Variants in PTPA observed in about 807,000 individuals in gnomAD.
PTPA encodes the protein protein phosphatase 2 phosphatase activator.
A neutral mutation model predicts 43.6 loss-of-function variants in PTPA; 13 were observed. That is an observed-to-expected ratio of 0.30 (90% CI 0.19 to 0.47). PTPA has a LOEUF of 0.47. PTPA is among the 20% of genes least tolerant of loss of function. PTPA has a pLI of 0.99. For synonymous variants in PTPA, 172 were observed against 158.2 expected (o/e 1.09, Z -0.66); for missense variants, 329 against 411.9 (o/e 0.80, Z 1.74).
intron 5 of PTPA, among the ~76,000 whole-genome samples, chr9:129,132,607 T>G (rs551046225): frequency 5.3e-5 from 8 of 152,168 alleles, no homozygotes; most frequent in African/African-American, 1.9e-4. Context: ...TTCAAGCGAT[T>G]ATTCTGCTGG....
Position 129,131,633 on chromosome 9 carries a change from G to A in PTPA, c.454G>A (p.Gly152Ser), listed in dbSNP as rs769028707. 1 of 1,613,722 alleles carries A rather than the reference G, an allele frequency of 6.2e-7. No homozygotes were observed. The highest frequency in any genetic ancestry group is 2.2e-5 in the East Asian group (1 of 44,886). Residue 152 changes from glycine (G) to serine (S), a missense_variant, in exon 5 of 10, where the codon GGC becomes AGC. Gly to Ser is a moderately conservative substitution (Grantham distance 56). Coordinates refer to ENST00000393370, the MANE Select transcript of PTPA (RefSeq NM_178000.3). ...GGGGAACTCCACGCGCATTGACTAC[G>A]GCACAGGTATCTGCTGCTTGTGGGG... ...SVGNSTRIDY[G>S]TGHEAAFAAF... is the part of the protein sequence containing the mutation.
chr9:129,118,292 T>G (rs1054742181), intron 1 of PTPA, among the ~76,000 whole-genome samples: 2 of 152,160 alleles, frequency 1.3e-5, no homozygotes, highest in African/African-American at 4.8e-5. Context: ...GATCTCGTGA[T>G]CTGCCTGTCT....
chr9:129,137,509 TGG>T, intron 7 of PTPA, 81 bp from the exon 8 acceptor site: 1 of 1,121,090 alleles, frequency 8.9e-7, no homozygotes, highest in Non-Finnish European at 1.3e-6. Context: ...CTGAGGCCCC[TGG>T]GGGGGTGTGA....
At chr9:129,116,023 G>A (rs1474679876) in intron 1 of PTPA, among the ~76,000 whole-genome samples, 1 of 151,892 alleles carries the variant, frequency 6.6e-6, no homozygotes, top group Non-Finnish European at 1.5e-5. Context: ...ACCATGCCCG[G>A]CTAATTTTTT....
intron 5 of PTPA, among the ~76,000 whole-genome samples, chr9:129,132,847 C>T (rs1428904704): frequency 1.3e-5 from 2 of 152,128 alleles, no homozygotes; most frequent in African/African-American, 4.8e-5. Flanking sequence ...GTTGCCTGGG[C>T]TGGTCTTGAA....
At chr9:129,134,707 C>T in intron 5 of PTPA, 88 bp from the exon 6 acceptor site, 6 of 1,078,316 alleles carry the variant, frequency 5.6e-6, no homozygotes, top group South Asian at 4.3e-5. Flanking sequence ...CAGAGGGGCA[C>T]TTATCAATGA....
intron 9 of PTPA, 40 bp downstream of exon 9, chr9:129,142,592 C>A (rs770970590): frequency 6.2e-7 from 1 of 1,612,360 alleles, no homozygotes; most frequent in Non-Finnish European, 8.5e-7. Flanking sequence ...CCTGCTGCCG[C>A]ACTTGGTCCT....
intron 8 of PTPA, among the ~76,000 whole-genome samples, chr9:129,139,197 T>C (rs1395886763): frequency 6.6e-6 from 1 of 152,202 alleles, no homozygotes; most frequent in African/African-American, 2.4e-5. Context: ...ATTTTGGGAA[T>C]TGATTCCATG....
chr9:129,140,629 C>T (rs563387989), intron 8 of PTPA, among the ~76,000 whole-genome samples: 1 of 152,320 alleles, frequency 6.6e-6, no homozygotes, highest in East Asian at 1.9e-4. Flanking sequence ...GCCGGGCAGG[C>T]CCCTGGCAGA....
chr9:129,111,737 G>C, intron 1 of PTPA, 106 bp downstream of exon 1: 1 of 1,240,666 alleles, frequency 8.1e-7, no homozygotes, highest in Non-Finnish European at 1.0e-6. Flanking sequence ...GAACTGGAGG[G>C]GCAAAAGCTG....
At chr9:129,145,595 C>T (rs903604367) in intron 9 of PTPA, among the ~76,000 whole-genome samples, 1 of 152,160 alleles carries the variant, frequency 6.6e-6, no homozygotes, top group Non-Finnish European at 1.5e-5. Flanking sequence ...GAGTCAGCCT[C>T]CTGGGCTGCC....
intron 9 of PTPA, chr9:129,142,897 C>A: frequency 6.7e-7 from 1 of 1,492,596 alleles, no homozygotes; most frequent in South Asian, 1.3e-5. Flanking sequence ...CTCGGGCAGT[C>A]TGAGTCTGGC....
intron 8 of PTPA, chr9:129,140,239 G>A (rs1434077023): frequency 6.6e-6 from 1 of 152,634 alleles, no homozygotes; most frequent in Admixed American, 6.5e-5. Flanking sequence ...GCTCATTCTG[G>A]TTCTTTCTCT....
At chr9:129,119,960 T>C (rs1849140796) in intron 1 of PTPA, among the ~76,000 whole-genome samples, 1 of 152,002 alleles carries the variant, frequency 6.6e-6, no homozygotes, top group African/African-American at 2.4e-5. Context: ...GGAGTCCTGG[T>C]TTAAAAGTGA....
rs4836639 is a variant in PTPA at position 129,134,852 on chromosome 9, G to A, written c.518G>A (p.Arg173Gln). ...LCCLCKIGVLRVDDQIAIVFK... is the reference protein window; with the variant it reads ...LCCLCKIGVLQVDDQIAIVFK... The stretch of plus-strand genomic sequence containing the variant: ...TGTCTCTGCAAGATTGGGGTGCTCC[G>A]GGTGGATGACCAAATAGCTATTGTC... The change falls in exon 6 of 10, where the codon CGG becomes CAG. Residue 173 changes from arginine (R) to glutamine (Q), a missense_variant. Transcript: ENST00000393370. 1,294 of 1,614,012 alleles carry A rather than the reference G, an allele frequency of 8.0e-4. 12 individuals carry two copies. In the Admixed American group the frequency reaches 0.018, roughly 22 times the overall value.
intron 9 of PTPA, among the ~76,000 whole-genome samples, chr9:129,146,989 C>T (rs1320407759): frequency 2.0e-5 from 3 of 152,220 alleles, no homozygotes; most frequent in African/African-American, 4.8e-5. Context: ...TGGGACCCGG[C>T]CTCAGCCTCT....
chr9:129,119,716 T>C (rs1588490038), intron 1 of PTPA: 1 of 152,280 alleles, frequency 6.6e-6, no homozygotes, highest in African/African-American at 2.4e-5. Flanking sequence ...CCTGTTTTTT[T>C]TTCTTCTGTG....
chr9:129,126,531 T>C (rs1291315572), intron 3 of PTPA, among the ~76,000 whole-genome samples: 3 of 152,176 alleles, frequency 2.0e-5, no homozygotes, highest in Non-Finnish European at 4.4e-5. Context: ...GGGGTTAACA[T>C]TTTCGATTTT....
At chr9:129,142,934 C>G (rs1272925742) in intron 9 of PTPA, 1 of 1,445,640 alleles carries the variant, frequency 6.9e-7, no homozygotes, top group African/African-American at 1.4e-5. Context: ...TGGGAAGGGT[C>G]TTACCCTTTG....
Sources: gnomAD v4.1 joint callset for allele counts (sites outside exome capture counted in the v4.1 genomes callset) on GRCh38, gnomAD v4.1.1 for gene constraint, MANE v1.5 for transcripts, NCBI Gene and HGNC (gene_info 2026-07-23, HGNC 2026-07-21) for gene names.